Variants in PTK2 observed in about 807,000 individuals in gnomAD.
The protein encoded by PTK2 is focal adhesion kinase 1.
Under a neutral mutation model 150.1 loss-of-function variants are expected in PTK2, and 45 were observed. The ratio of observed to expected loss-of-function variants is 0.30; its 90% CI spans 0.24 to 0.38. The LOEUF (loss-of-function observed/expected upper bound fraction) is 0.38. Ranked by LOEUF, PTK2 falls within the 10% of genes least tolerant of loss-of-function variation. The probability of loss-of-function intolerance (pLI) is 1.00; values close to 1 mark genes in which losing one functional copy is unlikely to be tolerated. For missense variants in PTK2, 919 were observed against 1,307.3 expected (o/e 0.70, Z 4.58); for synonymous variants, 432 against 449.2 (o/e 0.96, Z 0.48).
chr8:140,807,714 T>C (rs866795651), intron 10 of PTK2, among the ~76,000 whole-genome samples: 2 of 152,226 alleles, frequency 1.3e-5, no homozygotes, highest in African/African-American at 4.8e-5. Flanking sequence ...GACTATATCT[T>C]GAAATGATGA....
intron 2 of PTK2, among the ~76,000 whole-genome samples, chr8:140,898,006 A>G (rs1196026846): frequency 6.6e-6 from 1 of 152,250 alleles, no homozygotes; most frequent in Non-Finnish European, 1.5e-5. Context: ...GCAGAAATGA[A>G]AAGATTTTAA....
intron 10 of PTK2, among the ~76,000 whole-genome samples, chr8:140,804,554 A>G (rs2154594880): frequency 6.6e-6 from 1 of 152,310 alleles, no homozygotes; most frequent in Non-Finnish European, 1.5e-5. Context: ...AAATACATAT[A>G]AAAGATACAT....
chr8:140,865,888 G>A (rs868702883), intron 4 of PTK2, among the ~76,000 whole-genome samples: 1 of 152,196 alleles, frequency 6.6e-6, no homozygotes, highest in East Asian at 1.9e-4. Flanking sequence ...GGGCTCAAGC[G>A]ATCCTCCCAC....
rs532141114 is a variant in PTK2 at position 140,942,438 on chromosome 8, CA to C, written c.-121-16690del. ...CTTTATAATATACAATCTCATTATA[CA>C]AAGACAAATATAAAGCCTTTAGGCC... On this transcript the variant is annotated intron_variant, in intron 1 of 31. Coordinates refer to ENST00000522684, the Ensembl canonical transcript of PTK2. Among the ~76,000 whole-genome samples the C allele has an allele frequency of 4.3e-3, 653 of 152,224 alleles. 3 individuals are homozygous for C. The highest frequency in any genetic ancestry group is 0.011 in the South Asian group (53 of 4,824).
chr8:140,882,169 ATAC>A (rs1382904149), intron 3 of PTK2, among the ~76,000 whole-genome samples: 1 of 152,236 alleles, frequency 6.6e-6, no homozygotes, highest in Non-Finnish European at 1.5e-5. Flanking sequence ...CATTATAAAT[ATAC>A]AAAGTGCTTA....
At chr8:140,879,725 A>C (rs1340288516) in intron 3 of PTK2, 88 bp from the exon 4 acceptor site, 9 of 1,034,368 alleles carry the variant, frequency 8.7e-6, no homozygotes, top group African/African-American at 3.4e-5. Context: ...AAAACAAAAC[A>C]AAAAAAAAAC....
chr8:140,991,729 C>G (rs1377309420), intron 1 of PTK2, among the ~76,000 whole-genome samples: 2 of 152,292 alleles, frequency 1.3e-5, no homozygotes, highest in Admixed American at 1.3e-4. Flanking sequence ...CCTTGCGAGG[C>G]CAGGCATGGT....
In PTK2 at chr8:140,967,461, CTTT is replaced by C. The variant is rs137959476; in HGVS notation, c.-122+33661_-122+33663del. ...CCAGTATTTCTTTCTTTCTTTCTTT[CTTT>C]TTTTTTTTTTTTTTGAGACGGAGTC... On this transcript the variant is annotated intron_variant, in intron 1 of 31. Transcript: ENST00000522684. Among the ~76,000 whole-genome samples, 388 of 121,502 alleles carry C rather than the reference CTTT, an allele frequency of 3.2e-3. 2 individuals carry two copies. The highest frequency in any genetic ancestry group is 8.8e-3 in the African/African-American group (291 of 33,254). 79.7% of individuals were successfully genotyped at this position (121,502 alleles called of 152,430 possible).
chr8:140,992,207 G>C (rs1272997583), intron 1 of PTK2, among the ~76,000 whole-genome samples: 1 of 150,990 alleles, frequency 6.6e-6, no homozygotes, highest in Non-Finnish European at 1.5e-5. Context: ...CAGGAGAATT[G>C]CTTGAACCCG....
At chr8:140,851,830 G>C (rs62521879) in intron 5 of PTK2, among the ~76,000 whole-genome samples, 41,442 of 149,026 alleles carry the variant, frequency 0.28, 6,044 homozygotes, top group Admixed American at 0.38. Context: ...CTGCTTTCCA[G>C]CGTGGGTGAC....
intron 23 of PTK2, among the ~76,000 whole-genome samples, chr8:140,710,436 T>C (rs1185091308): frequency 6.6e-6 from 1 of 151,156 alleles, no homozygotes; most frequent in Non-Finnish European, 1.5e-5. Flanking sequence ...TGGGAGGCCG[T>C]GGTGGGCAGA....
chr8:140,984,018 G>A (rs1428101775), intron 1 of PTK2: 1 of 152,394 alleles, frequency 6.6e-6, no homozygotes, highest in African/African-American at 2.4e-5. Context: ...AGCCGGGTGT[G>A]GTGGCATGTG....
At position 140,839,116 on chromosome 8, in the gene PTK2, G is replaced by A. The variant is rs187242834; in HGVS notation, c.593+7144C>T. 7.5e-4 allele frequency among the ~76,000 whole-genome samples: 114 copies of A among 152,236 alleles called. 1 individual carries two copies. Among genetic ancestry groups the A allele is most frequent in the African/African-American group, 2.6e-3 (108 of 41,550 alleles). ...TAGGCAACAGGGTGATAAACATGCC[G>A]GTTTCTAGGACGCCCCCAGCACACA... is the stretch of plus-strand genomic sequence containing the variant. On this transcript the variant is annotated intron_variant, in intron 7 of 31. Transcript: ENST00000522684.
intron 26 of PTK2, among the ~76,000 whole-genome samples, chr8:140,698,582 T>C (rs2100028256): frequency 1.3e-5 from 2 of 152,204 alleles, no homozygotes; most frequent in East Asian, 1.9e-4. Context: ...ACCTCCTGAA[T>C]AGCTGGGACT....
chr8:140,662,725 G>A, intron 31 of PTK2: 1 of 594,774 alleles, frequency 1.7e-6, no homozygotes, highest in Non-Finnish European at 3.2e-6. Flanking sequence ...AACATCCCCT[G>A]GACATCGTAT....
chr8:140,992,013 C>T (rs1047532075), intron 1 of PTK2, among the ~76,000 whole-genome samples: 2 of 152,050 alleles, frequency 1.3e-5, no homozygotes, highest in African/African-American at 4.8e-5. Context: ...AACAACAGGC[C>T]AGGCACAGTG....
At chr8:140,706,256 C>A (rs758873966) in intron 23 of PTK2, 51 bp from the exon 27 acceptor site, 1 of 1,384,968 alleles carries the variant, frequency 7.2e-7, no homozygotes, top group Non-Finnish European at 1.0e-6. Context: ...TTTTGACAAA[C>A]CTGTACTTTA....
chr8:140,667,882 G>A (rs1041157253), intron 30 of PTK2, among the ~76,000 whole-genome samples: 3 of 152,076 alleles, frequency 2.0e-5, no homozygotes, highest in Admixed American at 6.5e-5. Flanking sequence ...CTCCAACAAC[G>A]TAACCACATC....
chr8:140,725,394 T>C (rs2154334081), intron 22 of PTK2, among the ~76,000 whole-genome samples: 1 of 151,998 alleles, frequency 6.6e-6, no homozygotes, highest in Middle Eastern at 3.4e-3. Flanking sequence ...ACTCTGGATA[T>C]AAGAAACAAC....
Sources: allele counts gnomAD v4.1 joint callset (sites outside exome capture counted in the v4.1 genomes callset), GRCh38; gene constraint gnomAD v4.1.1; transcripts MANE v1.5; gene names NCBI Gene and HGNC (gene_info 2026-07-23, HGNC 2026-07-21).